The following COL5A3 variants were observed in gnomAD, a reference collection of about 807,000 sequenced individuals.
The protein encoded by COL5A3 is collagen type V alpha 3 chain.
COL5A3 carries 172 observed loss-of-function variants against 250.0 expected under a neutral mutation model. The ratio of observed to expected loss-of-function variants is 0.69; its 90% CI spans 0.61 to 0.78. COL5A3 has a LOEUF of 0.78. Among genes scored for constraint, COL5A3 ranks in the 30% least tolerant of loss-of-function variants. The pLI, the probability that COL5A3 is intolerant of heterozygous loss-of-function variation, is 0.00. For missense variants in COL5A3, 2,340 were observed against 2,334.4 expected (o/e 1.00, Z -0.05); for synonymous variants, 937 against 900.4 (o/e 1.04, Z -0.73).
In COL5A3 at chr19:9,968,372, TC is replaced by T; in HGVS notation, c.4314+12del. On this transcript the variant is annotated intron_variant, in intron 59 of 66. Transcript: ENST00000264828. The surrounding 1 kb of genome is among the most constrained non-coding windows in gnomAD (Gnocchi z 4.1). ...TTCAAATGCATTCTTCCCGCTCAGG[TC>T]AGGACACTCACAGGGTCTCCCTTGG... The T allele has an allele frequency of 6.3e-7, 1 of 1,576,694 alleles. No individual in the cohort carries two copies. The highest frequency in any genetic ancestry group is 8.7e-7 in the Non-Finnish European group (1 of 1,155,346).
rs755782622 is a variant in COL5A3, at chr19:9,960,554, G to A, written c.5095C>T (p.Arg1699Trp). 1.2e-5 allele frequency: 19 copies of A among 1,614,166 alleles called. No individual in the cohort carries two copies. The highest frequency in any genetic ancestry group is 2.2e-5 in the East Asian group (1 of 44,874). Residue 1699 changes from arginine to tryptophan, a missense_variant, in exon 67 of 67, where the codon CGG becomes TGG. Transcript: ENST00000264828. ...AAAAGGGTCTTCGTCTGTCCTTTCC[G>A]GAGCTGTCCCCAGAGAAGACAGAGA... is the stretch of plus-strand genomic sequence containing the variant. ...VSVPQDGCRL[R>W]KGQTKTLFEF...
At chr19:9,978,772 AC>A (rs1263407835) in intron 40 of COL5A3, 118 bp downstream of exon 40, 1 of 932,048 alleles carries the variant, frequency 1.1e-6, no homozygotes, top group Non-Finnish European at 1.5e-6. Context: ...AGTTCCCTCC[AC>A]CATTTTTTTT....
At chr19:9,963,577 T>TGGGGGG in intron 64 of COL5A3, among the ~76,000 whole-genome samples, 1 of 28,076 alleles carries the variant, frequency 3.6e-5, no homozygotes, top group African/African-American at 1.6e-4. Flanking sequence ...GGGGGGCGGG[T>TGGGGGG]GGAGGGGGTC....
At chr19:9,979,962 A>C in intron 36 of COL5A3, 32 bp downstream of exon 36, 1 of 1,577,150 alleles carries the variant, frequency 6.3e-7, no homozygotes, top group South Asian at 1.2e-5. Flanking sequence ...TCCTCCACCC[A>C]CCCAACCCCC....
chr19:9,979,495 A>C, intron 37 of COL5A3, 78 bp from the exon 38 acceptor site: 2 of 1,483,934 alleles, frequency 1.3e-6, no homozygotes, highest in Non-Finnish European at 1.9e-6. Flanking sequence ...AAGGCCTGAT[A>C]GGATCAGGAA....
rs547403575 is a variant in COL5A3 at position 9,992,896 on chromosome 19, C to T, written c.1795-16G>A. On this transcript the variant is annotated splice_polypyrimidine_tract_variant and intron_variant, in intron 20 of 66. Transcript: ENST00000264828. Reference sequence around the variant, plus strand: ...CTCGTGGACCCTGCAAGGGAGCAGGCGAATTATTTCCACATCACCTCTGTG... The same window carrying T: ...CTCGTGGACCCTGCAAGGGAGCAGGTGAATTATTTCCACATCACCTCTGTG... 1.1e-5 allele frequency: 17 copies of T among 1,613,548 alleles called. No individual in the cohort carries two copies. The highest frequency in any genetic ancestry group is 1.3e-5 in the African/African-American group (1 of 75,026).
chr19:9,969,288 G>A, intron 57 of COL5A3, 61 bp downstream of exon 57: 1 of 1,436,848 alleles, frequency 7.0e-7, no homozygotes, highest in Non-Finnish European at 9.5e-7. Context: ...TCACTAGGTG[G>A]TCACTAGGTG....
At chr19:9,960,968 A>C in intron 65 of COL5A3, 78 bp from the exon 66 acceptor site, 3 of 1,541,420 alleles carry the variant, frequency 1.9e-6, no homozygotes, top group Non-Finnish European at 2.6e-6. Flanking sequence ...TGGAATCTCC[A>C]TCCACTGGCA....
At position 9,979,981 on chromosome 19, in the gene COL5A3, T is replaced by A. The variant is rs1350028799; in HGVS notation, c.2658+13A>T. 1 of 1,584,634 alleles carries A rather than the reference T, an allele frequency of 6.3e-7. No homozygotes were observed. The highest frequency in any genetic ancestry group is 8.5e-7 in the Non-Finnish European group (1 of 1,171,612). Reference sequence around the variant, plus strand: ...CCACCCACCCAACCCCCAATGAGGGTGACCTCACTCACAGGGGGGCCCTTT... The same window carrying A: ...CCACCCACCCAACCCCCAATGAGGGAGACCTCACTCACAGGGGGGCCCTTT... On this transcript the variant is annotated intron_variant, in intron 36 of 66. Coordinates refer to ENST00000264828, the MANE Select transcript of COL5A3 (RefSeq NM_015719.4).
rs202228397 is a variant in COL5A3, at chr19:9,965,145, CTTTTCT to C, written c.4782+1163_4782+1168del. 9.4e-4 allele frequency among the ~76,000 whole-genome samples: 124 copies of C among 131,240 alleles called. 1 individual carries two copies. In the Middle Eastern group the frequency reaches 0.017, roughly 17 times the overall value. 86.1% of individuals were successfully genotyped at this position (131,240 alleles called of 152,430 possible). ...TATGAAGTAGATACTTTCTTTTTTT[CTTTTCT>C]TTTTCTTTTTTTTTTTTTTTTGAGA... On this transcript the variant is annotated intron_variant, in intron 64 of 66. Coordinates refer to ENST00000264828, the MANE Select transcript of COL5A3 (RefSeq NM_015719.4).
At chr19:9,969,129 T>C (rs2086793750) in intron 57 of COL5A3, among the ~76,000 whole-genome samples, 1 of 151,950 alleles carries the variant, frequency 6.6e-6, no homozygotes, top group African/African-American at 2.4e-5. Flanking sequence ...ATGGGCAGTG[T>C]AGATCATCAA....
chr19:10,004,113 A>G lies in COL5A3; in HGVS notation c.627T>C (p.Asp209=). 1 of 1,613,968 alleles carries G rather than the reference A, an allele frequency of 6.2e-7. No homozygotes were observed. Among genetic ancestry groups the G allele is most frequent in the Non-Finnish European group, 8.5e-7 (1 of 1,179,932 alleles). ...GDIQELLISP[D]PQAAFQACER... ...CACAAGCCTGGAAGGCAGCCTGAGG[A>G]TCTGGGCTTATCAGCAGCTCCTGAA... Residue 209 remains aspartate (D), a synonymous_variant, in exon 5 of 67, where the codon GAT becomes GAC. Transcript: ENST00000264828.
Position 9,960,031 on chromosome 19 carries a change from G to A in COL5A3, c.*380C>T, listed in dbSNP as rs1015766132. 5 of 260,300 alleles carry A rather than the reference G, an allele frequency of 1.9e-5. No homozygotes were observed. The highest frequency in any genetic ancestry group is 1.1e-4 in the African/African-American group (5 of 45,540). 16.1% of individuals were successfully genotyped at this position (260,300 alleles called of 1,614,324 possible). ...CTCTGGGGAGGGGTAGCACCAAAAG[G>A]TGTGAAGGGCAGCGACGGAGGAGTG... On this transcript the variant is annotated 3_prime_UTR_variant, in exon 67 of 67. Coordinates refer to ENST00000264828, the MANE Select transcript of COL5A3 (RefSeq NM_015719.4).
At chr19:9,999,083 T>C (rs972959506) in intron 8 of COL5A3, among the ~76,000 whole-genome samples, 8 of 151,920 alleles carry the variant, frequency 5.3e-5, no homozygotes, top group African/African-American at 1.9e-4. Flanking sequence ...TTTTTCTTTT[T>C]TTTCAGAGTC....
rs143071432 is a variant in COL5A3, at chr19:9,973,929, G to A, written c.3548C>T (p.Thr1183Ile). ...CCCAAGAGTTCTCACCTCTGATCCA[G>A]TGGGGCCTTGGGGACCCCGAGGACC... Reference protein sequence around the residue: ...APGPRGPQGPTGSEGTPGLPG... With the variant: ...APGPRGPQGPIGSEGTPGLPG... Residue 1183 changes from threonine to isoleucine, a missense_variant, in exon 48 of 67, where the codon ACT becomes ATT. By Grantham distance (89) the Thr-to-Ile change is moderately conservative. This residue lies in a region of COL5A3 where 1,179 missense variants were observed against 1,162.6 expected (regional missense o/e 1.01). Coordinates refer to ENST00000264828, the MANE Select transcript of COL5A3 (RefSeq NM_015719.4). 6.4e-7 allele frequency: 1 copy of A among 1,564,552 alleles called. No homozygotes were observed. The highest frequency in any genetic ancestry group is 8.7e-7 in the Non-Finnish European group (1 of 1,153,918).
intron 62 of COL5A3, among the ~76,000 whole-genome samples, chr19:9,966,983 A>G (rs1174301453): frequency 6.6e-6 from 1 of 152,134 alleles, no homozygotes; most frequent in African/African-American, 2.4e-5. Context: ...AGGACAAAAG[A>G]GAAAGCGCAA....
Position 9,995,591 on chromosome 19 carries a change from A to G in COL5A3, c.1560T>C (p.His520=), listed in dbSNP as rs770022200. ...PQGPRGLQGP[H]GPPGRVGKMG... ...TCTTGCCCACTCGGCCAGGGGGTCC[A>G]TGAGGTCCCTGCAGGCCTCGGGGAC... is the stretch of plus-strand genomic sequence containing the variant. The change falls in exon 16 of 67, where the codon CAT becomes CAC. Residue 520 remains histidine, a synonymous_variant. Transcript: ENST00000264828. The G allele has an allele frequency of 1.2e-6, 2 of 1,608,098 alleles. No homozygotes were observed. Among genetic ancestry groups the G allele is most frequent in the Admixed American group, 1.7e-5 (1 of 59,092 alleles).
intron 8 of COL5A3, among the ~76,000 whole-genome samples, chr19:9,999,679 G>A (rs1445233359): frequency 6.6e-6 from 1 of 151,870 alleles, no homozygotes; most frequent in Non-Finnish European, 1.5e-5. Flanking sequence ...TGTTAGCCAG[G>A]ATGGTCTCAA....
intron 6 of COL5A3, among the ~76,000 whole-genome samples, chr19:10,002,272 T>TG (rs1284300691): frequency 1.6e-4 from 5 of 30,496 alleles, no homozygotes; most frequent in Non-Finnish European, 2.6e-4. Flanking sequence ...TGGGTCAAGG[T>TG]GGGGGTTGGG....
Sources: gnomAD v4.1 joint callset for allele counts (sites outside exome capture counted in the v4.1 genomes callset) on GRCh38, gnomAD v4.1.1 for gene constraint, gnomAD v4.1.1 regional missense constraint, Gnocchi (gnomAD v3.1) non-coding constraint, MANE v1.5 for transcripts, NCBI Gene and HGNC (gene_info 2026-07-23, HGNC 2026-07-21) for gene names.